The following LAMA2 variants were observed in gnomAD, a reference collection of about 807,000 sequenced individuals.
LAMA2 encodes laminin subunit alpha 2.
A neutral mutation model predicts 364.8 loss-of-function variants in LAMA2; 269 were observed. That is an observed-to-expected ratio of 0.74 (90% confidence interval 0.67 to 0.82). LAMA2 has a LOEUF of 0.82. Among genes scored for constraint, LAMA2 ranks in the 40% least tolerant of loss-of-function variants. LAMA2 has a pLI of 0.00. For missense variants in LAMA2, 3,807 were observed against 3,873.2 expected (o/e 0.98, Z 0.45); for synonymous variants, 1,379 against 1,370.6 (o/e 1.01, Z -0.14).
At chr6:129,208,681 G>A (rs9321155) in intron 12 of LAMA2, among the ~76,000 whole-genome samples, 1 of 82,858 alleles carries the variant, frequency 1.2e-5, no homozygotes, top group South Asian at 4.2e-4. Flanking sequence ...GAAAGAGAAG[G>A]AAAGAAAGAA....
chr6:129,117,195 A>T lies in LAMA2; in HGVS notation c.639+18780A>T, dbSNP rs116455799. 1.1e-3 allele frequency among the ~76,000 whole-genome samples: 164 copies of T among 152,320 alleles called. 2 individuals are homozygous for T. Among genetic ancestry groups the T allele is most frequent in the African/African-American group, 3.6e-3 (148 of 41,590 alleles). ...CATTTTATTAGCAATGAATTCTCAG[A>T]GCAAATTTAATGCAGTCCTTATGTA... On this transcript the variant is annotated intron_variant, in intron 4 of 64. Transcript: ENST00000421865.
intron 12 of LAMA2, 24 bp downstream of exon 12, chr6:129,192,877 T>G: frequency 6.2e-7 from 1 of 1,609,108 alleles, no homozygotes; most frequent in Non-Finnish European, 8.5e-7. Flanking sequence ...TGCTTCCCGC[T>G]ATTCTGCTTT....
In LAMA2 at chr6:129,366,436, G is replaced by C. The variant is rs573748371; in HGVS notation, c.4860+75G>C. 573 of 1,520,700 alleles carry C rather than the reference G, an allele frequency of 3.8e-4. 7 individuals are homozygous for C. The South Asian group carries it at 5.2e-3, about 14-fold the overall frequency. The allele number at this position is 1,520,700 out of a possible 1,614,324, so 94.2% of individuals were successfully genotyped here. On this transcript the variant is annotated intron_variant, in intron 33 of 64. Transcript: ENST00000421865. ...TTCACAAGCGGTATTGGCTGTAATT[G>C]GTAAATGTTCTTCCCACAGCCCCAA...
At chr6:129,439,674 C>T (rs1284907459) in intron 42 of LAMA2, among the ~76,000 whole-genome samples, 2 of 152,000 alleles carry the variant, frequency 1.3e-5, no homozygotes, top group Middle Eastern at 3.4e-3. Flanking sequence ...AAAGATACTA[C>T]TTTTACTATT....
intron 27 of LAMA2, among the ~76,000 whole-genome samples, chr6:129,317,363 A>G (rs373566226): frequency 5.3e-5 from 8 of 152,312 alleles, no homozygotes; most frequent in African/African-American, 1.7e-4. Flanking sequence ...AAGTCTCTCA[A>G]TGGCCAACTA....
intron 12 of LAMA2, among the ~76,000 whole-genome samples, chr6:129,240,584 G>A (rs1785331122): frequency 6.6e-6 from 1 of 152,142 alleles, no homozygotes; most frequent in African/African-American, 2.4e-5. Context: ...TATGGATGAA[G>A]TCTAATTTGT....
intron 1 of LAMA2, among the ~76,000 whole-genome samples, chr6:128,992,422 G>C (rs937096969): frequency 6.6e-6 from 1 of 152,224 alleles, no homozygotes; most frequent in Non-Finnish European, 1.5e-5. Flanking sequence ...TTTTGCTGAA[G>C]TTAAAGACAT....
chr6:129,337,305 G>A (rs1776007900), intron 29 of LAMA2, among the ~76,000 whole-genome samples: 1 of 152,310 alleles, frequency 6.6e-6, no homozygotes, highest in Admixed American at 6.5e-5. Context: ...GCAAGTCACA[G>A]CTAGAGACTT....
chr6:129,286,634 T>TA lies in LAMA2; in HGVS notation c.2538-1212dup, dbSNP rs1249818977. On this transcript the variant is annotated intron_variant, in intron 18 of 64. Transcript: ENST00000421865. ...TATATTTATATAATATATATAATAA[T>TA]ATATAATATATTATATTTATATAAT... 3.9e-4 allele frequency among the ~76,000 whole-genome samples: 36 copies of TA among 91,806 alleles called. 6 individuals are homozygous for TA. Among genetic ancestry groups the TA allele is most frequent in the African/African-American group, 1.9e-3 (35 of 18,874 alleles). 60.2% of individuals were successfully genotyped at this position (91,806 alleles called of 152,430 possible).
At chr6:128,979,777 C>A (rs1220871469) in intron 1 of LAMA2, among the ~76,000 whole-genome samples, 1 of 152,154 alleles carries the variant, frequency 6.6e-6, no homozygotes, top group Non-Finnish European at 1.5e-5. Context: ...CAGATGAAAC[C>A]CAGCAAAGCT....
At chr6:129,310,704 G>C (rs1774161763) in intron 22 of LAMA2, among the ~76,000 whole-genome samples, 1 of 152,074 alleles carries the variant, frequency 6.6e-6, no homozygotes, top group African/African-American at 2.4e-5. Context: ...CCGAGTACAG[G>C]TACAGAAGAG....
rs559794501 is a variant in LAMA2 at position 129,502,530 on chromosome 6, C to G, written c.8245-129C>G. The G allele has an allele frequency of 3.8e-4, 269 of 703,640 alleles. 1 individual carries two copies. The African/African-American group carries it at 4.4e-3, about 11-fold the overall frequency. The allele number at this position is 703,640 out of a possible 1,614,324, so 43.6% of individuals were successfully genotyped here. On this transcript the variant is annotated intron_variant, in intron 58 of 64. Transcript: ENST00000421865. ...TAAGTACTTACTATGCAGTAGACTA[C>G]AGAGATGAATAATGTAGTTTTTATT...
chr6:128,964,031 G>T (rs1001761060), intron 1 of LAMA2, among the ~76,000 whole-genome samples: 6 of 152,058 alleles, frequency 3.9e-5, no homozygotes, highest in Non-Finnish European at 7.4e-5. Flanking sequence ...TTCATGAACA[G>T]TGGCATTCAA....
intron 29 of LAMA2, among the ~76,000 whole-genome samples, chr6:129,337,173 C>T (rs747056088): frequency 5.9e-5 from 9 of 152,168 alleles, no homozygotes; most frequent in Non-Finnish European, 8.8e-5. Context: ...GGAAATGACA[C>T]ATATTAGCAA....
chr6:129,263,038 C>T (rs1787242070), intron 15 of LAMA2, among the ~76,000 whole-genome samples: 1 of 152,120 alleles, frequency 6.6e-6, no homozygotes. Context: ...ATAGATTTCA[C>T]TTGACAGATG....
intron 3 of LAMA2, among the ~76,000 whole-genome samples, chr6:129,083,671 C>G (rs927816490): frequency 2.0e-5 from 3 of 152,160 alleles, no homozygotes; most frequent in South Asian, 2.1e-4. Flanking sequence ...TTCTCTTTCT[C>G]TCTGTGTTTG....
At chr6:129,084,039 A>C (rs1774228861) in intron 3 of LAMA2, among the ~76,000 whole-genome samples, 1 of 152,228 alleles carries the variant, frequency 6.6e-6, no homozygotes, top group Non-Finnish European at 1.5e-5. Flanking sequence ...AGGCCGGCAC[A>C]ATAAGCAATG....
chr6:129,372,714 A>G (rs543465485), intron 34 of LAMA2, among the ~76,000 whole-genome samples: 1 of 152,246 alleles, frequency 6.6e-6, no homozygotes, highest in Non-Finnish European at 1.5e-5. Context: ...GTTTTGAAAG[A>G]AATTACCAAA....
At chr6:129,044,715 T>C (rs545196756) in intron 1 of LAMA2, among the ~76,000 whole-genome samples, 3 of 152,216 alleles carry the variant, frequency 2.0e-5, no homozygotes, top group Admixed American at 2.0e-4. Context: ...TTATTTAGTC[T>C]AGTGCTATTC....
Sources: allele counts gnomAD v4.1 joint callset (sites outside exome capture counted in the v4.1 genomes callset), GRCh38; gene constraint gnomAD v4.1.1; transcripts MANE v1.5; gene names NCBI Gene and HGNC (gene_info 2026-07-23, HGNC 2026-07-21).